Variants in CELSR1 observed in about 807,000 individuals in gnomAD.
CELSR1 encodes the protein cadherin EGF LAG seven-pass G-type receptor 1, also known as adhesion G protein-coupled receptor C1.
In CELSR1, 110 loss-of-function variants were observed where a neutral mutation model predicts 249.1. The ratio of observed to expected loss-of-function variants is 0.44; its 90% CI spans 0.38 to 0.52. The LOEUF is 0.52. CELSR1 is among the 20% of genes least tolerant of loss of function. The probability of loss-of-function intolerance (pLI) is 0.00; values close to 1 mark genes in which losing one functional copy is unlikely to be tolerated. For synonymous variants in CELSR1, 2,113 were observed against 1,900.0 expected (o/e 1.11, Z -2.92); for missense variants, 4,109 against 4,296.4 (o/e 0.96, Z 1.22).
At chr22:46,491,281 T>TTTTTA (rs2080364878) in intron 1 of CELSR1, among the ~76,000 whole-genome samples, 4 of 127,034 alleles carry the variant, frequency 3.1e-5, no homozygotes, top group African/African-American at 1.2e-4. Flanking sequence ...TTTTTTTTTT[T>TTTTTA]GAGACAGAGT....
intron 1 of CELSR1, 95 bp downstream of exon 1, chr22:46,533,532 G>T: frequency 1.4e-6 from 2 of 1,478,818 alleles, no homozygotes; most frequent in South Asian, 2.7e-5. Context: ...CGGCCCAATT[G>T]CGCCCCGGCA....
intron 1 of CELSR1, among the ~76,000 whole-genome samples, chr22:46,467,369 A>C (rs1158646448): frequency 6.6e-6 from 1 of 152,210 alleles, no homozygotes; most frequent in East Asian, 1.9e-4. Flanking sequence ...TGCACAACCC[A>C]ATTAGAGAAG....
rs777550702 is a variant in CELSR1, at chr22:46,517,401, G to A, written c.3544+16226C>T. On this transcript the variant is annotated intron_variant, in intron 1 of 34. Transcript: ENST00000674500. This position sits in a 1 kb window ranked among gnomAD's most constrained non-coding sequence, Gnocchi z 5.4. The stretch of plus-strand genomic sequence containing the variant: ...GGTTTCCTGCCTACGGGGTCATCCC[G>A]GCCTGGTTTTCCCCCAAAACAGACT... Among the ~76,000 whole-genome samples, 2 of 152,310 alleles carry A rather than the reference G, an allele frequency of 1.3e-5. No homozygotes were observed. The highest frequency in any genetic ancestry group is 6.5e-5 in the Admixed American group (1 of 15,300).
rs1374664393 is a variant in CELSR1, at chr22:46,361,414, A to G, written c.*1809T>C. 1.3e-5 allele frequency: 2 copies of G among 152,270 alleles called. No homozygotes were observed. The highest frequency in any genetic ancestry group is 2.4e-5 in the African/African-American group (1 of 41,320). 9.4% of individuals were successfully genotyped at this position (152,270 alleles called of 1,614,324 possible). A position where few individuals can be genotyped will look rare whatever the true frequency, so the allele number is the denominator to read the frequency against. ...GTGATGTTGGCTGTGGAGTACGTGG[A>G]AAAAAATAGAACAAAAAAATTACAC... On this transcript the variant is annotated 3_prime_UTR_variant, in exon 35 of 35. Transcript: ENST00000674500.
Position 46,409,727 on chromosome 22 carries a change from G to A in CELSR1, c.5059+28C>T, listed in dbSNP as rs758241991. 2.9e-5 allele frequency: 46 copies of A among 1,609,254 alleles called. No homozygotes were observed. Among genetic ancestry groups the A allele is most frequent in the South Asian group, 1.3e-4 (12 of 91,036 alleles). ...CAATGCCTCCCAGGCCGCCGTGACC[G>A]GGGGGATGGACGACGCCGGCCACTC... is the stretch of plus-strand genomic sequence containing the variant. On this transcript the variant is annotated intron_variant, in intron 8 of 34. Coordinates refer to ENST00000674500, the MANE Select transcript of CELSR1 (RefSeq NM_001378328.1). The surrounding 1 kb of genome is among the most constrained non-coding windows in gnomAD (Gnocchi z 9.8).
intron 1 of CELSR1, among the ~76,000 whole-genome samples, chr22:46,505,711 G>A (rs189132303): frequency 2.6e-5 from 4 of 152,254 alleles, no homozygotes; most frequent in African/African-American, 9.6e-5. Context: ...CAGAAATGGT[G>A]TATATGTTTA....
intron 1 of CELSR1, among the ~76,000 whole-genome samples, chr22:46,498,936 C>T (rs541113822): frequency 3.9e-5 from 6 of 151,986 alleles, no homozygotes; most frequent in African/African-American, 1.5e-4. Flanking sequence ...TCCCAGCACT[C>T]TGGGAGGCCG....
chr22:46,410,032 T>C lies in CELSR1; in HGVS notation c.4934-152A>G, dbSNP rs2079314665. ...AACGCCCCTGGCAACGGCAGGAACA[T>C]GGGAACTAAGAAGGTGCTGAACGCA... On this transcript the variant is annotated intron_variant, in intron 7 of 34. Transcript: ENST00000674500. This position sits in a 1 kb window ranked among gnomAD's most constrained non-coding sequence, Gnocchi z 6.8. The C allele has an allele frequency of 3.0e-6, 3 of 983,852 alleles. No homozygotes were observed. Among genetic ancestry groups the C allele is most frequent in the Non-Finnish European group, 3.0e-6 (2 of 670,556 alleles). 60.9% of individuals were successfully genotyped at this position (983,852 alleles called of 1,614,324 possible).
chr22:46,527,978 C>T lies in CELSR1; in HGVS notation c.3544+5649G>A, dbSNP rs1358171307. Reference sequence around the variant, plus strand: ...GGCATGATGGCGGGTACCTATAATCCCAGCTACTTGGGAAGCTGAGGCAGC... The same window carrying T: ...GGCATGATGGCGGGTACCTATAATCTCAGCTACTTGGGAAGCTGAGGCAGC... On this transcript the variant is annotated intron_variant, in intron 1 of 34. Transcript: ENST00000674500. This position sits in a 1 kb window ranked among gnomAD's most constrained non-coding sequence, Gnocchi z 5.5. Among the ~76,000 whole-genome samples the T allele has an allele frequency of 6.6e-6, 1 of 151,908 alleles. No homozygotes were observed. Among genetic ancestry groups the T allele is most frequent in the African/African-American group, 2.4e-5 (1 of 41,318 alleles).
chr22:46,369,671 C>T (rs367675398), intron 26 of CELSR1, 21 bp downstream of exon 26: 2 of 1,603,002 alleles, frequency 1.2e-6, no homozygotes, highest in African/African-American at 2.7e-5. Context: ...ACCCGGACTC[C>T]CGTGAAGGCC....
At chr22:46,364,403 C>T in intron 33 of CELSR1, 109 bp downstream of exon 33, 7 of 1,492,888 alleles carry the variant, frequency 4.7e-6, no homozygotes, top group Non-Finnish European at 6.3e-6. Flanking sequence ...CTGTTCTGCC[C>T]AGGCCCTGAC....
intron 2 of CELSR1, among the ~76,000 whole-genome samples, chr22:46,455,720 C>T (rs1376400724): frequency 6.6e-6 from 1 of 152,202 alleles, no homozygotes; most frequent in East Asian, 1.9e-4. Context: ...TGCTGGGCTC[C>T]AGTGCTGGTG....
In CELSR1 at chr22:46,454,362, C is replaced by T. The variant is rs145724310; in HGVS notation, c.4183+9345G>A. Among the ~76,000 whole-genome samples, 412 of 152,288 alleles carry T rather than the reference C, an allele frequency of 2.7e-3. 2 individuals carry two copies. The highest frequency in any genetic ancestry group is 4.3e-3 in the Non-Finnish European group (295 of 68,018). ...CACAGGAGACTCGTGCAGGGGTGAG[C>T]GAGCGTGCCCAGCCCTGCTGTCACG... On this transcript the variant is annotated intron_variant, in intron 2 of 34. Coordinates refer to ENST00000674500, the MANE Select transcript of CELSR1 (RefSeq NM_001378328.1). This position sits in a 1 kb window ranked among gnomAD's most constrained non-coding sequence, Gnocchi z 5.1.
rs28362161 is a variant in CELSR1 at position 46,411,542 on chromosome 22, C to T, written c.4769+60G>A. The T allele has an allele frequency of 0.085, 135,350 of 1,597,396 alleles. 6,278 individuals carry two copies. Among genetic ancestry groups the T allele is most frequent in the African/African-American group, 0.14 (10,436 of 74,764 alleles). On this transcript the variant is annotated intron_variant, in intron 6 of 34. Coordinates refer to ENST00000674500, the MANE Select transcript of CELSR1 (RefSeq NM_001378328.1). The surrounding 1 kb of genome is among the most constrained non-coding windows in gnomAD (Gnocchi z 4.2). ...ACGTGGGGCCCTGCCCTGGGAAGGC[C>T]GCAGGGTGAGCATGTTTGGGGGTAC...
Position 46,380,680 on chromosome 22 carries a change from AC to A in CELSR1, c.7256+107del. The A allele has an allele frequency of 1.5e-6, 2 of 1,303,912 alleles. No homozygotes were observed. Among genetic ancestry groups the A allele is most frequent in the Non-Finnish European group, 2.1e-6 (2 of 944,540 alleles). 80.8% of individuals were successfully genotyped at this position (1,303,912 alleles called of 1,614,324 possible). ...CGGGGGACTTAAAGGGGAAACACAG[AC>A]CACAAGAGACCGTCCTCTTGGGGCG... On this transcript the variant is annotated intron_variant, in intron 22 of 34. Transcript: ENST00000674500. This position sits in a 1 kb window ranked among gnomAD's most constrained non-coding sequence, Gnocchi z 5.1.
At chr22:46,394,320 A>T in intron 13 of CELSR1, 58 bp from the exon 14 acceptor site, 2 of 1,567,528 alleles carry the variant, frequency 1.3e-6, no homozygotes, top group Non-Finnish European at 1.7e-6. Context: ...TTCTGGAATG[A>T]GAAGAGGCCT....
intron 5 of CELSR1, among the ~76,000 whole-genome samples, chr22:46,432,710 G>A (rs2079609630): frequency 6.6e-6 from 1 of 152,194 alleles, no homozygotes; most frequent in Non-Finnish European, 1.5e-5. Flanking sequence ...TTACATCCAG[G>A]TACAGTGGAC....
At position 46,402,951 on chromosome 22, in the gene CELSR1, G is replaced by GA. The variant is rs145237234; in HGVS notation, c.5227-3050dup. Among the ~76,000 whole-genome samples, 1 of 151,968 alleles carries GA rather than the reference G, an allele frequency of 6.6e-6. No individual in the cohort carries two copies. The highest frequency in any genetic ancestry group is 1.5e-5 in the Non-Finnish European group (1 of 67,988). On this transcript the variant is annotated intron_variant, in intron 9 of 34. Transcript: ENST00000674500. The surrounding 1 kb of genome is among the most constrained non-coding windows in gnomAD (Gnocchi z 5.0). Reference sequence around the variant, plus strand: ...AGAAAATGTTGAAAGTAAAAGGATAGAAAAAAATACATCATATAAATACCA... The same window carrying GA: ...AGAAAATGTTGAAAGTAAAAGGATAGAAAAAAAATACATCATATAAATACCA...
chr22:46,383,119 A>G lies in CELSR1; in HGVS notation c.6884-1069T>C, dbSNP rs552343173. ...GGTGCCCCGCCCTTGGTAATGAGCGAGTTCTCACTCTATTAGTTCCAGAGA... is the reference window on the plus strand; with the variant it reads ...GGTGCCCCGCCCTTGGTAATGAGCGGGTTCTCACTCTATTAGTTCCAGAGA... On this transcript the variant is annotated intron_variant, in intron 20 of 34. Transcript: ENST00000674500. Among the ~76,000 whole-genome samples the G allele has an allele frequency of 4.6e-3, 693 of 152,274 alleles. 4 individuals are homozygous for G. The highest frequency in any genetic ancestry group is 8.2e-3 in the Non-Finnish European group (556 of 68,024).
Sources: gnomAD v4.1 joint callset for allele counts (sites outside exome capture counted in the v4.1 genomes callset) on GRCh38, gnomAD v4.1.1 for gene constraint, Gnocchi (gnomAD v3.1) non-coding constraint, MANE v1.5 for transcripts, NCBI Gene and HGNC (gene_info 2026-07-23, HGNC 2026-07-21) for gene names.